ARL6IP5: variants seen among roughly 807,000 people sequenced by gnomAD.
ARL6IP5 encodes ARF like GTPase 6 interacting protein 5, also known as PRA1 family protein 3.
Under a neutral mutation model 13.0 loss-of-function variants are expected in ARL6IP5, and 6 were observed. That is an observed-to-expected ratio of 0.46 (90% CI 0.25 to 0.91). The LOEUF (loss-of-function observed/expected upper bound fraction) is 0.91. ARL6IP5 is among the 40% of genes least tolerant of loss of function. The pLI is 0.17. For synonymous variants in ARL6IP5, 91 were observed against 91.9 expected, an observed-to-expected ratio of 0.99 and a Z score of 0.06; for missense variants, 208 against 248.8, an observed-to-expected ratio of 0.84 and a Z score of 1.10.
At chr3:69,092,775 C>G (rs914601282) in intron 1 of ARL6IP5, among the ~76,000 whole-genome samples, 1 of 151,574 alleles carries the variant, frequency 6.6e-6, no homozygotes, top group Non-Finnish European at 1.5e-5. Context: ...CCACCTCAGC[C>G]TCCCAAAGTG....
chr3:69,104,876 A>G lies in ARL6IP5; in HGVS notation c.*240A>G, dbSNP rs1451363570. 1 of 703,702 alleles carries G rather than the reference A, an allele frequency of 1.4e-6. No individual in the cohort carries two copies. Among genetic ancestry groups the G allele is most frequent in the Non-Finnish European group, 2.6e-6 (1 of 385,946 alleles). The allele number at this position is 703,702 out of a possible 1,614,324, so 43.6% of individuals were successfully genotyped here. A position where few individuals can be genotyped will look rare whatever the true frequency, so the allele number is the denominator to read the frequency against. ...CTGAAGTTTCACGTGTGTTTATGAAATCTAATGGGAAATGGATCACACGAT... is the reference window on the plus strand; with the variant it reads ...CTGAAGTTTCACGTGTGTTTATGAAGTCTAATGGGAAATGGATCACACGAT... On this transcript the variant is annotated 3_prime_UTR_variant, in exon 3 of 3. Transcript: ENST00000273258.
chr3:69,090,998 A>T (rs2092263734), intron 1 of ARL6IP5, among the ~76,000 whole-genome samples: 1 of 152,094 alleles, frequency 6.6e-6, no homozygotes, highest in South Asian at 2.1e-4. Flanking sequence ...GGAGTTTAAG[A>T]CCAGCCCGGG....
chr3:69,093,689 G>A (rs901905433), intron 1 of ARL6IP5, among the ~76,000 whole-genome samples: 2 of 151,304 alleles, frequency 1.3e-5, no homozygotes, highest in Non-Finnish European at 2.9e-5. Context: ...TTGAACCAGG[G>A]AGTCAGAGGT....
At chr3:69,087,424 G>C (rs571003344) in intron 1 of ARL6IP5, among the ~76,000 whole-genome samples, 3 of 151,864 alleles carry the variant, frequency 2.0e-5, no homozygotes, top group Non-Finnish European at 2.9e-5. Context: ...TAGTTATGGA[G>C]GTATTTTCTT....
chr3:69,087,715 A>G (rs900220867), intron 1 of ARL6IP5, among the ~76,000 whole-genome samples: 2 of 152,224 alleles, frequency 1.3e-5, no homozygotes, highest in Non-Finnish European at 2.9e-5. Context: ...TGTCAATGAA[A>G]ATTTTGAAGT....
At chr3:69,087,569 C>T (rs540015617) in intron 1 of ARL6IP5, among the ~76,000 whole-genome samples, 3 of 152,150 alleles carry the variant, frequency 2.0e-5, no homozygotes, top group Admixed American at 1.3e-4. Context: ...TGATAGAATC[C>T]ATTTTTCACT....
At chr3:69,102,115 C>G (rs145563091) in intron 2 of ARL6IP5, 59 bp downstream of exon 2, 20 of 1,550,978 alleles carry the variant, frequency 1.3e-5, no homozygotes, top group Non-Finnish European at 1.8e-6. Context: ...AATTATCCAA[C>G]GGGAATTCCA....
rs1450147443 is a variant in ARL6IP5, at chr3:69,104,967, T to C, written c.*331T>C. The C allele has an allele frequency of 4.5e-6, 3 of 667,458 alleles. No homozygotes were observed. Among genetic ancestry groups the C allele is most frequent in the East Asian group, 2.7e-5 (1 of 37,046 alleles). 41.3% of individuals were successfully genotyped at this position (667,458 alleles called of 1,614,324 possible). On this transcript the variant is annotated 3_prime_UTR_variant, in exon 3 of 3. Transcript: ENST00000273258. ...TTACAGCAACAATACGATTATCTTA[T>C]AGGAAAAAAAAAATCATTGTAAAGT...
At chr3:69,088,246 T>C (rs1462356954) in intron 1 of ARL6IP5, among the ~76,000 whole-genome samples, 1 of 152,204 alleles carries the variant, frequency 6.6e-6, no homozygotes, top group Admixed American at 6.6e-5. Flanking sequence ...CTATCCTCTT[T>C]CGGTGATGCT....
intron 1 of ARL6IP5, among the ~76,000 whole-genome samples, chr3:69,094,347 C>A (rs937862): frequency 1.3e-5 from 2 of 152,006 alleles, no homozygotes; most frequent in African/African-American, 2.4e-5. Flanking sequence ...AACTCCACAC[C>A]TATATACAGT....
At chr3:69,096,414 G>C in intron 1 of ARL6IP5, among the ~76,000 whole-genome samples, 1 of 152,040 alleles carries the variant, frequency 6.6e-6, no homozygotes, top group Non-Finnish European at 1.5e-5. Flanking sequence ...CATGAATTTT[G>C]TTATATGCTT....
chr3:69,092,802 G>A (rs1575859682), intron 1 of ARL6IP5, among the ~76,000 whole-genome samples: 2 of 150,810 alleles, frequency 1.3e-5, no homozygotes, highest in African/African-American at 2.4e-5. Context: ...TTACAGGTGT[G>A]AGCCACTGTA....
chr3:69,092,471 T>C (rs1367334329), intron 1 of ARL6IP5, among the ~76,000 whole-genome samples: 2 of 152,168 alleles, frequency 1.3e-5, no homozygotes, highest in Non-Finnish European at 2.9e-5. Flanking sequence ...TCAGTAGCTT[T>C]TGTTTGTTTT....
intron 1 of ARL6IP5, among the ~76,000 whole-genome samples, chr3:69,098,119 C>T (rs1422360111): frequency 6.6e-6 from 1 of 151,908 alleles, no homozygotes; most frequent in African/African-American, 2.4e-5. Context: ...CTCTGTCACC[C>T]AGGCTGGAGT....
intron 1 of ARL6IP5, among the ~76,000 whole-genome samples, chr3:69,101,560 A>G (rs1337785479): frequency 3.3e-5 from 5 of 151,866 alleles, no homozygotes; most frequent in African/African-American, 9.7e-5. Context: ...GGCTCAAGTG[A>G]TCCTCCCACC....
intron 1 of ARL6IP5, among the ~76,000 whole-genome samples, chr3:69,094,319 C>G (rs543156192): frequency 1.3e-5 from 2 of 152,314 alleles, no homozygotes; most frequent in African/African-American, 4.8e-5. Flanking sequence ...GCCCCACTTA[C>G]CCCCTCAGCC....
rs186958748 is a variant in ARL6IP5 at position 69,096,793 on chromosome 3, G to C, written c.177-5046G>C. On this transcript the variant is annotated intron_variant, in intron 1 of 2. Transcript: ENST00000273258. The stretch of plus-strand genomic sequence containing the variant: ...TTAGTTTTGTACTTTTAGTAGAGAC[G>C]GGGTTTCACCATGTTGACCAGGATG... 1.4e-4 allele frequency among the ~76,000 whole-genome samples: 21 copies of C among 151,890 alleles called. No individual in the cohort carries two copies. In the East Asian group the frequency reaches 2.3e-3, roughly 17 times the overall value.
chr3:69,098,933 C>T (rs1450845920), intron 1 of ARL6IP5, among the ~76,000 whole-genome samples: 1 of 152,074 alleles, frequency 6.6e-6, no homozygotes, highest in Non-Finnish European at 1.5e-5. Context: ...ACTGTTACAA[C>T]TCAATCTTTG....
intron 2 of ARL6IP5, among the ~76,000 whole-genome samples, chr3:69,102,832 T>G (rs2092310443): frequency 6.6e-6 from 1 of 152,198 alleles, no homozygotes; most frequent in Admixed American, 6.5e-5. Flanking sequence ...GCTCAGAATA[T>G]AGGTACTAAA....
Sources: gnomAD v4.1 joint callset for allele counts (sites outside exome capture counted in the v4.1 genomes callset) on GRCh38, gnomAD v4.1.1 for gene constraint, MANE v1.5 for transcripts, NCBI Gene and HGNC (gene_info 2026-07-23, HGNC 2026-07-21) for gene names.